SPIDR: variants seen among roughly 807,000 people sequenced by gnomAD.
The protein encoded by SPIDR is DNA repair-scaffolding protein.
SPIDR carries 93 observed loss-of-function variants against 104.6 expected under a neutral mutation model. The observed-to-expected ratio is 0.89, with a 90% confidence interval of 0.75 to 1.06. The LOEUF (loss-of-function observed/expected upper bound fraction) is 1.06, where lower values mean the gene tolerates loss of function less well. Ranked by LOEUF, SPIDR falls within the 50% of genes least tolerant of loss-of-function variation. The pLI, the probability that SPIDR is intolerant of heterozygous loss-of-function variation, is 0.00. For missense variants in SPIDR, 1,154 were observed against 1,111.2 expected, an observed-to-expected ratio of 1.04 and a Z score of -0.55; for synonymous variants, 431 against 416.9, an observed-to-expected ratio of 1.03 and a Z score of -0.41.
At chr8:47,265,085 G>A (rs1454576783) in intron 1 of SPIDR, among the ~76,000 whole-genome samples, 1 of 151,666 alleles carries the variant, frequency 6.6e-6, no homozygotes, top group Non-Finnish European at 1.5e-5. Context: ...CTTGGTAGGA[G>A]TACCTCATGG....
intron 7 of SPIDR, among the ~76,000 whole-genome samples, chr8:47,439,837 C>CTCT (rs2069057762): frequency 6.6e-6 from 1 of 152,180 alleles, no homozygotes; most frequent in African/African-American, 2.4e-5. Flanking sequence ...GTCCACATAA[C>CTCT]TCTTCAACTG....
chr8:47,558,123 A>G (rs926275161), intron 8 of SPIDR, among the ~76,000 whole-genome samples: 5 of 152,182 alleles, frequency 3.3e-5, no homozygotes, highest in African/African-American at 1.2e-4. Flanking sequence ...ACATAAAGAT[A>G]GGAATAATGG....
chr8:47,341,399 T>G, intron 5 of SPIDR, among the ~76,000 whole-genome samples: 1 of 152,142 alleles, frequency 6.6e-6, no homozygotes, highest in Admixed American at 6.5e-5. Flanking sequence ...CAGCAGGACT[T>G]TGGTTGCAGG....
At chr8:47,392,152 G>A (rs1362849344) in intron 5 of SPIDR, among the ~76,000 whole-genome samples, 1 of 152,136 alleles carries the variant, frequency 6.6e-6, no homozygotes, top group Non-Finnish European at 1.5e-5. Flanking sequence ...ATGCTTATAT[G>A]TTAGCATTTA....
At chr8:47,555,778 CTG>C (rs1374730602) in intron 8 of SPIDR, among the ~76,000 whole-genome samples, 3 of 152,144 alleles carry the variant, frequency 2.0e-5, no homozygotes, top group Admixed American at 2.0e-4. Context: ...TCAAGCCACT[CTG>C]TGAATGTGAG....
At chr8:47,360,268 A>AG (rs2055568903) in intron 5 of SPIDR, among the ~76,000 whole-genome samples, 2 of 150,658 alleles carry the variant, frequency 1.3e-5, no homozygotes, top group East Asian at 1.9e-4. Flanking sequence ...AAAAAAAAAA[A>AG]AAAGAAATAG....
At chr8:47,354,284 TG>T (rs2054102291) in intron 5 of SPIDR, among the ~76,000 whole-genome samples, 1 of 152,110 alleles carries the variant, frequency 6.6e-6, no homozygotes, top group African/African-American at 2.4e-5. Flanking sequence ...TTCATGTTTA[TG>T]TATTTTATTC....
chr8:47,484,755 G>A lies in SPIDR; in HGVS notation c.1097+44213G>A, dbSNP rs2077314547. 2.0e-5 allele frequency among the ~76,000 whole-genome samples: 3 copies of A among 152,192 alleles called. No individual in the cohort carries two copies. In the South Asian group the frequency reaches 6.2e-4, roughly 31 times the overall value. Reference sequence around the variant, plus strand: ...CAGTAGTAATATTTGAACATGGATTGCGTCTTGGATTACAGTATTGTATCA... The same window carrying A: ...CAGTAGTAATATTTGAACATGGATTACGTCTTGGATTACAGTATTGTATCA... On this transcript the variant is annotated intron_variant, in intron 8 of 19. Transcript: ENST00000297423.
chr8:47,714,966 A>G (rs2154489569), intron 16 of SPIDR, among the ~76,000 whole-genome samples: 1 of 152,264 alleles, frequency 6.6e-6, no homozygotes, highest in East Asian at 1.9e-4. Context: ...ACTCAGTAAT[A>G]CCCTATAATT....
chr8:47,699,453 G>A (rs2079827533), intron 11 of SPIDR, among the ~76,000 whole-genome samples: 1 of 152,192 alleles, frequency 6.6e-6, no homozygotes, highest in Non-Finnish European at 1.5e-5. Context: ...TCAGGTAAAG[G>A]TTAGAGCCAG....
chr8:47,269,619 A>G (rs1339446564), intron 1 of SPIDR, among the ~76,000 whole-genome samples: 2 of 151,780 alleles, frequency 1.3e-5, no homozygotes, highest in African/African-American at 4.8e-5. Flanking sequence ...GTCTGTCAGT[A>G]GAGATGAATT....
chr8:47,485,580 A>AACT (rs1554730530), intron 8 of SPIDR, among the ~76,000 whole-genome samples: 5 of 152,222 alleles, frequency 3.3e-5, no homozygotes, highest in African/African-American at 1.2e-4. Flanking sequence ...ACCCCCGAGT[A>AACT]GCCTAACTGG....
intron 14 of SPIDR, among the ~76,000 whole-genome samples, chr8:47,707,029 C>T (rs1233430704): frequency 2.0e-5 from 3 of 152,030 alleles, no homozygotes; most frequent in African/African-American, 4.8e-5. Flanking sequence ...GAGGCAGGTA[C>T]ATCATCTGAG....
At chr8:47,562,947 G>A (rs1249367706) in intron 8 of SPIDR, among the ~76,000 whole-genome samples, 1 of 151,352 alleles carries the variant, frequency 6.6e-6, no homozygotes, top group Non-Finnish European at 1.5e-5. Flanking sequence ...TCTTAACTCT[G>A]TTTTGATGTA....
chr8:47,531,508 C>T (rs189004348), intron 8 of SPIDR, among the ~76,000 whole-genome samples: 31 of 152,256 alleles, frequency 2.0e-4, no homozygotes, highest in African/African-American at 7.0e-4. Flanking sequence ...GAGAATACAC[C>T]GTGAACATTC....
chr8:47,709,912 TGTCA>T (rs2081611428), intron 14 of SPIDR, among the ~76,000 whole-genome samples: 2 of 150,618 alleles, frequency 1.3e-5, no homozygotes, highest in South Asian at 4.2e-4. Context: ...TGAGATGCTC[TGTCA>T]GTCAGGCTGG....
intron 8 of SPIDR, among the ~76,000 whole-genome samples, chr8:47,486,811 G>C (rs2077705665): frequency 6.6e-6 from 1 of 152,298 alleles, no homozygotes; most frequent in Middle Eastern, 3.4e-3. Flanking sequence ...GAGAGATTTT[G>C]TCACCACCAG....
At chr8:47,410,903 C>T (rs550873722) in intron 7 of SPIDR, among the ~76,000 whole-genome samples, 74 of 152,128 alleles carry the variant, frequency 4.9e-4, no homozygotes, top group Admixed American at 9.2e-4. Flanking sequence ...AGTGAGAACA[C>T]GTGGTGTTCG....
intron 11 of SPIDR, among the ~76,000 whole-genome samples, chr8:47,695,217 G>A (rs1455573671): frequency 6.6e-6 from 1 of 151,876 alleles, no homozygotes; most frequent in South Asian, 2.1e-4. Context: ...AACCTCCAGC[G>A]ACCCCCAGAC....
Sources: gnomAD v4.1 joint callset for allele counts (sites outside exome capture counted in the v4.1 genomes callset) on GRCh38, gnomAD v4.1.1 for gene constraint, MANE v1.5 for transcripts, NCBI Gene and HGNC (gene_info 2026-07-23, HGNC 2026-07-21) for gene names.